CRYZL1: variants seen among roughly 807,000 people sequenced by gnomAD.
The protein encoded by CRYZL1 is crystallin zeta like 1.
A neutral mutation model predicts 50.6 loss-of-function variants in CRYZL1; 34 were observed. The observed-to-expected ratio is 0.67, with a 90% confidence interval of 0.51 to 0.89. The LOEUF (loss-of-function observed/expected upper bound fraction) is 0.89, where lower values mean the gene tolerates loss of function less well. Among genes scored for constraint, CRYZL1 ranks in the 40% least tolerant of loss-of-function variants. The probability of loss-of-function intolerance (pLI) is 0.00; values close to 1 mark genes in which losing one functional copy is unlikely to be tolerated. For missense variants in CRYZL1, 354 were observed against 402.3 expected, an observed-to-expected ratio of 0.88 and a Z score of 1.03; for synonymous variants, 125 against 134.3, an observed-to-expected ratio of 0.93 and a Z score of 0.48.
chr21:33,620,375 T>C (rs2086980364), intron 4 of CRYZL1, among the ~76,000 whole-genome samples: 1 of 152,158 alleles, frequency 6.6e-6, no homozygotes, highest in Non-Finnish European at 1.5e-5. Context: ...GATCATTATT[T>C]CATCATAAAA....
At chr21:33,611,259 C>T (rs528191610) in intron 6 of CRYZL1, among the ~76,000 whole-genome samples, 11 of 152,146 alleles carry the variant, frequency 7.2e-5, no homozygotes, top group Non-Finnish European at 1.0e-4. Context: ...ACTCTCACTG[C>T]GTGGTATTTG....
chr21:33,627,176 G>T (rs2087076390), intron 2 of CRYZL1, among the ~76,000 whole-genome samples: 1 of 152,086 alleles, frequency 6.6e-6, no homozygotes, highest in South Asian at 2.1e-4. Flanking sequence ...TTTGAGACAG[G>T]GTCTTGCTCT....
intron 2 of CRYZL1, among the ~76,000 whole-genome samples, chr21:33,629,376 C>G (rs754399298): frequency 6.6e-6 from 1 of 152,216 alleles, no homozygotes; most frequent in African/African-American, 2.4e-5. Context: ...ATGATCCTGC[C>G]TCAGCCTCCC....
rs1402718598 is a variant in CRYZL1 at position 33,599,197 on chromosome 21, AAACAGCTTTCAGC to A, written c.616_628del (p.Ala206TrpfsTer9). ...TACTCCCAGGCCACCTGTTTCTTCC[AAACAGCTTTCAGC>A]AACATGAACTTTCCCATTAGATACA... On this transcript the variant is annotated frameshift_variant, in exon 9 of 13. Transcript: ENST00000381554. LOFTEE classifies it high-confidence loss of function. 1 of 1,614,114 alleles carries A rather than the reference AAACAGCTTTCAGC, an allele frequency of 6.2e-7. No homozygotes were observed. Among genetic ancestry groups the A allele is most frequent in the South Asian group, 1.1e-5 (1 of 91,080 alleles).
At chr21:33,604,631 AT>A (rs921167930) in intron 6 of CRYZL1, among the ~76,000 whole-genome samples, 3 of 151,826 alleles carry the variant, frequency 2.0e-5, no homozygotes, top group African/African-American at 7.3e-5. Flanking sequence ...TATGTTCCAT[AT>A]TATGTTTTTA....
intron 2 of CRYZL1, among the ~76,000 whole-genome samples, chr21:33,628,587 C>T (rs962375784): frequency 6.9e-6 from 1 of 145,514 alleles, no homozygotes; most frequent in Non-Finnish European, 1.5e-5. Context: ...AATGGGGTTG[C>T]CTTCTTAATT....
intron 1 of CRYZL1, among the ~76,000 whole-genome samples, chr21:33,632,749 A>G (rs1368329446): frequency 6.6e-6 from 1 of 152,194 alleles, no homozygotes. Flanking sequence ...TTATGTGGTA[A>G]GACTATTTTT....
chr21:33,639,825 ATT>A (rs35747923), intron 1 of CRYZL1: 275 of 133,912 alleles, frequency 2.1e-3, no homozygotes, highest in East Asian at 0.014. Flanking sequence ...ATAGATGTGT[ATT>A]TTTTTTTTTT....
intron 2 of CRYZL1, among the ~76,000 whole-genome samples, chr21:33,625,561 G>A (rs2087052075): frequency 6.6e-6 from 1 of 152,094 alleles, no homozygotes; most frequent in Non-Finnish European, 1.5e-5. Flanking sequence ...ACAGCTCACT[G>A]CAGCCTCAAC....
chr21:33,602,429 GTA>G, intron 7 of CRYZL1, 84 bp from the exon 8 acceptor site: 1 of 523,568 alleles, frequency 1.9e-6, no homozygotes. Flanking sequence ...ATTTAATAAA[GTA>G]TAATTCTTTA....
At chr21:33,610,507 G>A (rs1404989855) in intron 6 of CRYZL1, among the ~76,000 whole-genome samples, 1 of 152,012 alleles carries the variant, frequency 6.6e-6, no homozygotes, top group Non-Finnish European at 1.5e-5. Flanking sequence ...AGGAATATCT[G>A]CAATTGTTTT....
rs1343961910 is a variant in CRYZL1, at chr21:33,603,461, C to A, written c.408G>T (p.Leu136=). ...IRDGVRAYTA[L]HYLSHLSPGK... ...CAGGAGAGAGATGAGAAAGATAATG[C>A]AGAGCTGTATAGGCACGCACTCCAT... The change falls in exon 7 of 13, where the codon CTG becomes CTT. Residue 136 remains leucine (L), a synonymous_variant. Coordinates refer to ENST00000381554, the MANE Select transcript of CRYZL1 (RefSeq NM_145858.3). 2 of 1,614,054 alleles carry A rather than the reference C, an allele frequency of 1.2e-6. No individual in the cohort carries two copies. The highest frequency in any genetic ancestry group is 1.7e-6 in the Non-Finnish European group (2 of 1,180,038).
chr21:33,638,258 G>A (rs540579567), intron 1 of CRYZL1, among the ~76,000 whole-genome samples: 1 of 149,616 alleles, frequency 6.7e-6, no homozygotes, highest in East Asian at 2.0e-4. Flanking sequence ...TGTCACCCAG[G>A]CTGGAGTGCA....
At chr21:33,598,549 A>C (rs1358274040) in intron 9 of CRYZL1, among the ~76,000 whole-genome samples, 2 of 152,252 alleles carry the variant, frequency 1.3e-5, no homozygotes, top group African/African-American at 4.8e-5. Context: ...ATATTTTCCA[A>C]ATAGAGACTG....
intron 2 of CRYZL1, among the ~76,000 whole-genome samples, chr21:33,627,044 T>C (rs543404696): frequency 6.6e-6 from 1 of 152,362 alleles, no homozygotes; most frequent in East Asian, 1.9e-4. Context: ...ATTTTACTCA[T>C]GATTTTGTGA....
intron 1 of CRYZL1, chr21:33,640,287 C>T: frequency 6.7e-7 from 1 of 1,501,060 alleles, no homozygotes; most frequent in African/African-American, 1.4e-5. Flanking sequence ...ATCTAAACGT[C>T]TTATCCCCTG....
chr21:33,613,446 T>C, intron 6 of CRYZL1, 92 bp downstream of exon 6: 1 of 863,660 alleles, frequency 1.2e-6, no homozygotes, highest in South Asian at 1.5e-5. Context: ...GTACAACACT[T>C]ATGGTAGATT....
chr21:33,603,459 T>C lies in CRYZL1; in HGVS notation c.410A>G (p.His137Arg), dbSNP rs766384406. The C allele has an allele frequency of 6.8e-6, 11 of 1,614,088 alleles. No individual in the cohort carries two copies. Among genetic ancestry groups the C allele is most frequent in the African/African-American group, 1.3e-5 (1 of 74,926 alleles). The stretch of plus-strand genomic sequence containing the variant: ...TCCAGGAGAGAGATGAGAAAGATAA[T>C]GCAGAGCTGTATAGGCACGCACTCC... Reference protein sequence around the residue: ...RDGVRAYTALHYLSHLSPGKS... With the variant: ...RDGVRAYTALRYLSHLSPGKS... The change falls in exon 7 of 13, where the codon CAT becomes CGT. Residue 137 changes from histidine (H) to arginine (R), a missense_variant. By Grantham distance (29) the His-to-Arg change is conservative. Transcript: ENST00000381554.
intron 2 of CRYZL1, 73 bp from the exon 3 acceptor site, chr21:33,624,833 A>C: frequency 6.6e-7 from 1 of 1,513,932 alleles, no homozygotes; most frequent in South Asian, 1.3e-5. Flanking sequence ...ATGCTGTGAA[A>C]ATTTTTACAT....
Sources: allele counts gnomAD v4.1 joint callset (sites outside exome capture counted in the v4.1 genomes callset), GRCh38; gene constraint gnomAD v4.1.1; transcripts MANE v1.5; gene names NCBI Gene and HGNC (gene_info 2026-07-23, HGNC 2026-07-21).